Variants in LARP4B observed in about 807,000 individuals in gnomAD.
The protein encoded by LARP4B is La ribonucleoprotein 4B.
Under a neutral mutation model 89.8 loss-of-function variants are expected in LARP4B, and 12 were observed. That is an observed-to-expected ratio of 0.13 (90% CI 0.09 to 0.22). The LOEUF (loss-of-function observed/expected upper bound fraction) is 0.22, where lower values mean the gene tolerates loss of function less well. LARP4B is among the 10% of genes least tolerant of loss of function. The pLI is 1.00. For missense variants in LARP4B, 757 were observed against 947.7 expected (o/e 0.80, Z 2.64); for synonymous variants, 367 against 363.3 (o/e 1.01, Z -0.12).
At chr10:817,935 C>T (rs1832150371) in intron 14 of LARP4B, 46 bp from the exon 15 acceptor site, 2 of 1,564,326 alleles carry the variant, frequency 1.3e-6, no homozygotes, top group East Asian at 4.5e-5. Context: ...AGAGAGAAGG[C>T]CAAGCAGCTT....
chr10:894,378 A>T (rs779649548), intron 1 of LARP4B, among the ~76,000 whole-genome samples: 3 of 152,200 alleles, frequency 2.0e-5, no homozygotes, highest in Non-Finnish European at 2.9e-5. Context: ...GGCAAGAAAG[A>T]CGACCTCATT....
rs745745760 is a variant in LARP4B, at chr10:830,890, C to T, written c.838G>A (p.Glu280Lys). The change falls in exon 9 of 18, where the codon GAA becomes AAA. Residue 280 changes from glutamate (E) to lysine (K), a missense_variant. By Grantham distance (56) the Glu-to-Lys change is moderately conservative (BLOSUM62 1). This residue lies in a region of LARP4B where 137 missense variants were observed against 213.9 expected (regional missense o/e 0.64). Coordinates refer to ENST00000316157, the MANE Select transcript of LARP4B (RefSeq NM_015155.3). ...ACCTGTTGTGCATCAGCTTCTGTTT[C>T]AAATGTAATAAACCAATTATCATTA... Reference protein sequence around the residue: ...AYNDNWFITFETEADAQQAYK... With the variant: ...AYNDNWFITFKTEADAQQAYK... 5 of 1,422,510 alleles carry T rather than the reference C, an allele frequency of 3.5e-6. No homozygotes were observed. The Admixed American group carries it at 8.7e-5, about 25-fold the overall frequency. The allele number at this position is 1,422,510 out of a possible 1,614,324, so 88.1% of individuals were successfully genotyped here.
At chr10:964,194 G>A in the LARP4B span, among the ~76,000 whole-genome samples, 1 of 152,110 alleles carries the variant, frequency 6.6e-6, no homozygotes, top group African/African-American at 2.4e-5. Context: ...AGCCTCCCAT[G>A]TAGCTGTGAT....
chr10:808,145 G>A (rs1336425499), downstream of LARP4B: 2 of 152,238 alleles, frequency 1.3e-5, no homozygotes, highest in African/African-American at 4.8e-5. Context: ...GGGACCTGCT[G>A]ACCCCAGCAG....
chr10:931,050 T>TTCCGGGCACCCAGC (rs1331664889), intron 1 of LARP4B, among the ~76,000 whole-genome samples: 1 of 147,174 alleles, frequency 6.8e-6, no homozygotes, highest in Non-Finnish European at 1.5e-5. Context: ...CGGCCCGGTC[T>TTCCGGGCACCCAGC]TCCGGGCACC....
intron 1 of LARP4B, among the ~76,000 whole-genome samples, chr10:919,323 T>A (rs1303931188): frequency 6.6e-6 from 1 of 152,092 alleles, no homozygotes; most frequent in East Asian, 1.9e-4. Context: ...CTTATAAGCA[T>A]CGGTGCATGG....
chr10:972,423 C>A, the LARP4B span: 1 of 431,456 alleles, frequency 2.3e-6, no homozygotes, highest in South Asian at 1.7e-5. Context: ...AAACATGAGC[C>A]AAAAAAACTT....
intron 1 of LARP4B, among the ~76,000 whole-genome samples, chr10:924,648 G>A (rs545162673): frequency 2.6e-5 from 4 of 152,286 alleles, no homozygotes; most frequent in Admixed American, 6.5e-5. Context: ...TTTCCCACTT[G>A]GGGCACTACA....
At chr10:903,813 G>A (rs945225011) in intron 1 of LARP4B, among the ~76,000 whole-genome samples, 4 of 152,192 alleles carry the variant, frequency 2.6e-5, no homozygotes, top group African/African-American at 4.8e-5. Context: ...AGAGTAAGAT[G>A]GGGAAGTGGT....
intron 5 of LARP4B, among the ~76,000 whole-genome samples, chr10:849,704 A>AC (rs1342247161): frequency 1.3e-5 from 2 of 152,176 alleles, no homozygotes; most frequent in East Asian, 3.8e-4. Flanking sequence ...AACCCAGTAA[A>AC]CAGCCAGGTG....
chr10:932,796 C>G (rs957966380), upstream of LARP4B, among the ~76,000 whole-genome samples: 2 of 151,336 alleles, frequency 1.3e-5, no homozygotes, highest in African/African-American at 4.8e-5. Context: ...GACCAAGGCC[C>G]CGGCACTGCC....
At chr10:957,524 A>G in the LARP4B span, among the ~76,000 whole-genome samples, 1 of 152,116 alleles carries the variant, frequency 6.6e-6, no homozygotes, top group Non-Finnish European at 1.5e-5. Flanking sequence ...TTAGATACTT[A>G]TATGAATTGC....
At chr10:935,870 C>A (rs1034128114), upstream of LARP4B, among the ~76,000 whole-genome samples, 8 of 151,412 alleles carry the variant, frequency 5.3e-5, no homozygotes, top group Non-Finnish European at 1.0e-4. Flanking sequence ...AGGGATGCAC[C>A]ATGATGCCCA....
At chr10:824,380 C>T (rs1832511129) in intron 13 of LARP4B, among the ~76,000 whole-genome samples, 1 of 152,158 alleles carries the variant, frequency 6.6e-6, no homozygotes, top group South Asian at 2.1e-4. Context: ...GAAGTCCTAG[C>T]TTCTCAGCAT....
intron 13 of LARP4B, among the ~76,000 whole-genome samples, chr10:821,290 C>T (rs1832339522): frequency 1.3e-5 from 2 of 152,206 alleles, no homozygotes; most frequent in South Asian, 2.1e-4. Context: ...GCGTCCCATC[C>T]CTTCCTCTGC....
the LARP4B span, among the ~76,000 whole-genome samples, chr10:960,073 C>T: frequency 6.6e-6 from 1 of 152,148 alleles, no homozygotes; most frequent in Non-Finnish European, 1.5e-5. Flanking sequence ...AGCGATCAAG[C>T]CATGAAAAGG....
Position 811,547 on chromosome 10 carries a change from C to T in LARP4B, c.*1379G>A, listed in dbSNP as rs570930728. ...ACGCAGTAACTGAGTAACTCTGACC[C>T]ACTCACGCCAACCCAGGGCCGGGCT... On this transcript the variant is annotated 3_prime_UTR_variant, in exon 18 of 18. Coordinates refer to ENST00000316157, the MANE Select transcript of LARP4B (RefSeq NM_015155.3). The T allele has an allele frequency of 5.2e-5, 8 of 152,742 alleles. No homozygotes were observed. The highest frequency in any genetic ancestry group is 1.9e-4 in the African/African-American group (8 of 41,566). The allele number at this position is 152,742 out of a possible 1,614,324, so 9.5% of individuals were successfully genotyped here.
chr10:906,226 G>A (rs1305315460), intron 1 of LARP4B, among the ~76,000 whole-genome samples: 1 of 152,298 alleles, frequency 6.6e-6, no homozygotes, highest in East Asian at 1.9e-4. Context: ...ATGCTTCTAT[G>A]ACTCTTCTTC....
At chr10:980,334 GC>G in the LARP4B span, among the ~76,000 whole-genome samples, 2 of 152,198 alleles carry the variant, frequency 1.3e-5, no homozygotes, top group African/African-American at 4.8e-5. Flanking sequence ...CCTTCTCATA[GC>G]TCCACTAGGC....
Sources: allele counts gnomAD v4.1 joint callset (sites outside exome capture counted in the v4.1 genomes callset), GRCh38; gene constraint gnomAD v4.1.1; regional missense constraint gnomAD v4.1.1; transcripts MANE v1.5; gene names NCBI Gene and HGNC (gene_info 2026-07-23, HGNC 2026-07-21).